MYO1D: variants seen among roughly 807,000 people sequenced by gnomAD.
MYO1D encodes unconventional myosin-Id.
A neutral mutation model predicts 122.0 loss-of-function variants in MYO1D; 83 were observed. The observed-to-expected ratio is 0.68, with a 90% CI of 0.57 to 0.82. The LOEUF is 0.82. Among genes scored for constraint, MYO1D ranks in the 40% least tolerant of loss-of-function variants. The pLI is 0.00. For synonymous variants in MYO1D, 464 were observed against 446.9 expected (o/e 1.04, Z -0.48); for missense variants, 1,157 against 1,269.5 (o/e 0.91, Z 1.35).
intron 21 of MYO1D, among the ~76,000 whole-genome samples, chr17:32,569,497 A>G (rs1032921982): frequency 6.6e-6 from 1 of 152,188 alleles, no homozygotes; most frequent in African/African-American, 2.4e-5. Context: ...TTCCCCATCT[A>G]ACCTGTTCCT....
In MYO1D at chr17:32,730,403, C is replaced by T. The variant is rs2543975; in HGVS notation, c.1746+7850G>A. 3.7e-4 allele frequency among the ~76,000 whole-genome samples: 56 copies of T among 152,246 alleles called. No homozygotes were observed. In the East Asian group the frequency reaches 9.8e-3, roughly 27 times the overall value. On this transcript the variant is annotated intron_variant, in intron 14 of 21. Coordinates refer to ENST00000318217, the MANE Select transcript of MYO1D (RefSeq NM_015194.3). ...TACAGAGTTCATTTACATGCATCTA[C>T]GTATTTACCAATTCTTTGCTCTTCT...
intron 1 of MYO1D, among the ~76,000 whole-genome samples, chr17:32,834,509 A>G (rs1387824187): frequency 6.6e-6 from 1 of 152,178 alleles, no homozygotes; most frequent in East Asian, 1.9e-4. Flanking sequence ...CCAATTTGTC[A>G]TCAAGACCTC....
intron 1 of MYO1D, among the ~76,000 whole-genome samples, chr17:32,786,960 A>G (rs1228825446): frequency 6.6e-6 from 1 of 152,176 alleles, no homozygotes; most frequent in African/African-American, 2.4e-5. Context: ...TCCCCCAAAG[A>G]AAACCACAAA....
chr17:32,862,406 G>C (rs902884333), intron 1 of MYO1D, among the ~76,000 whole-genome samples: 2 of 152,176 alleles, frequency 1.3e-5, no homozygotes, highest in Admixed American at 1.3e-4. Context: ...ACTTTCAAAG[G>C]CACCTTAATG....
chr17:32,666,625 T>C (rs2088638884), intron 16 of MYO1D, among the ~76,000 whole-genome samples: 1 of 152,224 alleles, frequency 6.6e-6, no homozygotes, highest in Non-Finnish European at 1.5e-5. Context: ...TATTAAGAAG[T>C]AGGGCAATTA....
At chr17:32,629,188 T>C (rs2087969087) in intron 20 of MYO1D, among the ~76,000 whole-genome samples, 1 of 152,150 alleles carries the variant, frequency 6.6e-6, no homozygotes, top group South Asian at 2.1e-4. Flanking sequence ...GTAGAGACAG[T>C]AAAATGATAG....
At chr17:32,694,941 T>C (rs1468708233) in intron 16 of MYO1D, among the ~76,000 whole-genome samples, 2 of 152,184 alleles carry the variant, frequency 1.3e-5, no homozygotes, top group Non-Finnish European at 2.9e-5. Flanking sequence ...CTGGGAATCA[T>C]TGATTCCTGC....
chr17:32,709,358 A>C (rs1440764971), intron 16 of MYO1D, among the ~76,000 whole-genome samples: 1 of 152,202 alleles, frequency 6.6e-6, no homozygotes, highest in East Asian at 1.9e-4. Flanking sequence ...AAAGAAAAAA[A>C]GACATAGTAA....
At chr17:32,634,203 C>T (rs762381169) in intron 20 of MYO1D, among the ~76,000 whole-genome samples, 7 of 152,194 alleles carry the variant, frequency 4.6e-5, no homozygotes, top group Non-Finnish European at 7.3e-5. Flanking sequence ...AATTTAAAAT[C>T]GCCCATCTCC....
At chr17:32,812,502 C>G (rs1019510513) in intron 1 of MYO1D, among the ~76,000 whole-genome samples, 7 of 152,184 alleles carry the variant, frequency 4.6e-5, no homozygotes, top group Non-Finnish European at 1.0e-4. Flanking sequence ...AGCAGTCTGA[C>G]AGCAGAGTAA....
intron 21 of MYO1D, among the ~76,000 whole-genome samples, chr17:32,584,950 CAAAT>C (rs901437512): frequency 6.6e-6 from 1 of 152,192 alleles, no homozygotes; most frequent in Non-Finnish European, 1.5e-5. Context: ...TGTTTCCTGT[CAAAT>C]ACTCATTCCT....
chr17:32,588,769 G>A (rs914823824), intron 21 of MYO1D, among the ~76,000 whole-genome samples: 2 of 152,034 alleles, frequency 1.3e-5, no homozygotes, highest in African/African-American at 4.8e-5. Flanking sequence ...GGCCAACATG[G>A]TGAAACCCCA....
At chr17:32,767,877 T>C (rs1432708646) in intron 6 of MYO1D, 125 bp from the exon 7 acceptor site, 3 of 620,684 alleles carry the variant, frequency 4.8e-6, no homozygotes, top group Non-Finnish European at 8.5e-6. Context: ...GGATGGTGAG[T>C]CTCCAGAGAA....
chr17:32,863,682 A>G (rs2151088917), intron 1 of MYO1D, among the ~76,000 whole-genome samples: 1 of 152,388 alleles, frequency 6.6e-6, no homozygotes, highest in African/African-American at 2.4e-5. Context: ...AGTCATTAAG[A>G]AAAAGAATTA....
intron 21 of MYO1D, among the ~76,000 whole-genome samples, chr17:32,585,781 A>G (rs2087382229): frequency 6.6e-6 from 1 of 152,024 alleles, no homozygotes; most frequent in African/African-American, 2.4e-5. Context: ...CTAAAATAAA[A>G]TAGTCTCGTA....
At chr17:32,752,993 T>C (rs985610225) in intron 11 of MYO1D, among the ~76,000 whole-genome samples, 3 of 152,152 alleles carry the variant, frequency 2.0e-5, no homozygotes, top group Admixed American at 6.5e-5. Flanking sequence ...TTATTCACAA[T>C]AGCAAAGTCA....
chr17:32,649,373 C>T (rs751770821), intron 19 of MYO1D, among the ~76,000 whole-genome samples: 125 of 152,096 alleles, frequency 8.2e-4, no homozygotes, highest in Non-Finnish European at 1.5e-3. Context: ...TTTCCCCAAC[C>T]CCTAGAACTA....
At chr17:32,650,523 C>G (rs1205428713) in intron 19 of MYO1D, among the ~76,000 whole-genome samples, 3 of 152,132 alleles carry the variant, frequency 2.0e-5, no homozygotes, top group African/African-American at 7.2e-5. Flanking sequence ...GAGACTTCGG[C>G]TGCACCTATA....
At chr17:32,552,427 T>TCCATCCATCCATCCATCCATCCATCCAC (rs1567887087) in intron 21 of MYO1D, among the ~76,000 whole-genome samples, 2,731 of 149,482 alleles carry the variant, frequency 0.018, 33 homozygotes, top group Non-Finnish European at 0.021. Context: ...CACCCATCCA[T>TCCATCCATCCATCCATCCATCCATCCAC]CCATCCATCC....
Sources: allele counts gnomAD v4.1 joint callset (sites outside exome capture counted in the v4.1 genomes callset), GRCh38; gene constraint gnomAD v4.1.1; transcripts MANE v1.5; gene names NCBI Gene and HGNC (gene_info 2026-07-23, HGNC 2026-07-21).